Variants in SMIM36 observed in about 807,000 individuals in gnomAD.
SMIM36 encodes small integral membrane protein 36.
chr17:55,498,206 C>A (rs1909841549), intron 1 of SMIM36, among the ~76,000 whole-genome samples: 1 of 152,194 alleles, frequency 6.6e-6, no homozygotes, highest in Non-Finnish European at 1.5e-5. Context: ...GCCCACCATA[C>A]TCCAGTGTGA....
chr17:55,529,475 A>G, the SMIM36 span, among the ~76,000 whole-genome samples: 4 of 152,196 alleles, frequency 2.6e-5, no homozygotes, highest in Middle Eastern at 3.4e-3. Flanking sequence ...ATACAAAAGT[A>G]TCCAGATGTG....
upstream of SMIM36, chr17:55,511,559 A>T (rs1444129013): frequency 3.1e-6 from 1 of 318,016 alleles, no homozygotes; most frequent in Non-Finnish European, 5.7e-6. Context: ...GCTGTCTGTC[A>T]TCAGTTCGCC....
chr17:55,512,597 G>T (rs1027870993), upstream of SMIM36, among the ~76,000 whole-genome samples: 1 of 152,210 alleles, frequency 6.6e-6, no homozygotes, highest in Non-Finnish European at 1.5e-5. Context: ...CAATAGTCCC[G>T]CATAGGCTAC....
chr17:55,476,169 AAAG>A (rs1909422819), intron 3 of SMIM36, among the ~76,000 whole-genome samples: 1 of 152,134 alleles, frequency 6.6e-6, no homozygotes, highest in Admixed American at 6.5e-5. Flanking sequence ...AAGAATCACA[AAAG>A]AAGTGAAAAT....
intron 4 of SMIM36, among the ~76,000 whole-genome samples, chr17:55,453,465 A>C (rs960917101): frequency 6.6e-6 from 1 of 152,202 alleles, no homozygotes; most frequent in African/African-American, 2.4e-5. Context: ...TTCAGCACTG[A>C]TCCAAATAAA....
intron 1 of SMIM36, among the ~76,000 whole-genome samples, chr17:55,489,160 C>T (rs571541201): frequency 6.6e-6 from 1 of 152,234 alleles, no homozygotes; most frequent in African/African-American, 2.4e-5. Context: ...GGCAAATCAC[C>T]TGAGGTCAGG....
chr17:55,490,703 C>A (rs1909687264), intron 1 of SMIM36, among the ~76,000 whole-genome samples: 1 of 152,026 alleles, frequency 6.6e-6, no homozygotes, highest in South Asian at 2.1e-4. Flanking sequence ...GTTATGAGGA[C>A]CCAGGAATAC....
intron 1 of SMIM36, among the ~76,000 whole-genome samples, chr17:55,501,428 T>TAATA (rs1306857490): frequency 3.1e-4 from 11 of 35,398 alleles, no homozygotes; most frequent in African/African-American, 2.0e-3. Context: ...ATATAATATA[T>TAATA]TATTATATAT....
chr17:55,465,544 G>A (rs530320913), intron 4 of SMIM36, among the ~76,000 whole-genome samples: 1 of 152,086 alleles, frequency 6.6e-6, no homozygotes, highest in African/African-American at 2.4e-5. Flanking sequence ...GCTTATGTTG[G>A]GTAGATGCAT....
At chr17:55,481,966 G>A (rs1467984135) in intron 1 of SMIM36, among the ~76,000 whole-genome samples, 1 of 152,026 alleles carries the variant, frequency 6.6e-6, no homozygotes. Flanking sequence ...CAAAGTGCTG[G>A]GATTACAGGC....
At chr17:55,487,050 G>T (rs1005913471) in intron 1 of SMIM36, among the ~76,000 whole-genome samples, 1 of 152,172 alleles carries the variant, frequency 6.6e-6, no homozygotes, top group East Asian at 1.9e-4. Context: ...GAGTTGGGAA[G>T]AGAGACCAGG....
At chr17:55,514,687 A>G (rs185245544), upstream of SMIM36, among the ~76,000 whole-genome samples, 89 of 152,364 alleles carry the variant, frequency 5.8e-4, no homozygotes, top group African/African-American at 2.1e-3. Context: ...TTACATATTT[A>G]CTTGCAGTGT....
intron 4 of SMIM36, among the ~76,000 whole-genome samples, chr17:55,457,621 G>A (rs1909051241): frequency 6.6e-6 from 1 of 151,624 alleles, no homozygotes. Context: ...CCGCCTCCCG[G>A]GTTCAAGCCA....
chr17:55,450,746 G>A (rs1024486102), intron 4 of SMIM36, among the ~76,000 whole-genome samples: 1 of 152,196 alleles, frequency 6.6e-6, no homozygotes, highest in Non-Finnish European at 1.5e-5. Context: ...TACTGGCAGA[G>A]CGTAGACAAC....
At chr17:55,514,508 T>C (rs926848190), upstream of SMIM36, among the ~76,000 whole-genome samples, 1 of 152,210 alleles carries the variant, frequency 6.6e-6, no homozygotes, top group South Asian at 2.1e-4. Flanking sequence ...AAATTGAAGC[T>C]TAAAGAGGCA....
intron 3 of SMIM36, among the ~76,000 whole-genome samples, chr17:55,474,810 C>T (rs1045488044): frequency 6.6e-5 from 10 of 152,104 alleles, no homozygotes; most frequent in Non-Finnish European, 1.0e-4. Context: ...AAGCCCACCC[C>T]ACTAGGAACT....
the SMIM36 span, among the ~76,000 whole-genome samples, chr17:55,518,457 T>C: frequency 2.6e-5 from 4 of 152,222 alleles, no homozygotes; most frequent in East Asian, 5.8e-4. Context: ...ACCAACTAGG[T>C]TTAAAGCTGC....
intron 4 of SMIM36, among the ~76,000 whole-genome samples, chr17:55,453,709 C>A (rs1908966035): frequency 6.6e-6 from 1 of 152,168 alleles, no homozygotes; most frequent in African/African-American, 2.4e-5. Context: ...TTCCCTCCCA[C>A]CCCTGCAGGT....
At chr17:55,488,446 G>T (rs1320100798) in intron 1 of SMIM36, among the ~76,000 whole-genome samples, 1 of 152,066 alleles carries the variant, frequency 6.6e-6, no homozygotes, top group Non-Finnish European at 1.5e-5. Flanking sequence ...AATTTCCCAG[G>T]GTTTAATACT....
Sources: gnomAD v4.1 joint callset for allele counts (sites outside exome capture counted in the v4.1 genomes callset) on GRCh38, gnomAD v4.1.1 for gene constraint, MANE v1.5 for transcripts, NCBI Gene and HGNC (gene_info 2026-07-23, HGNC 2026-07-21) for gene names.